FAM20A: variants seen among roughly 807,000 people sequenced by gnomAD.
FAM20A encodes the protein pseudokinase FAM20A.
A neutral mutation model predicts 52.0 loss-of-function variants in FAM20A; 42 were observed. The observed-to-expected ratio is 0.81, with a 90% CI of 0.63 to 1.04. The LOEUF (loss-of-function observed/expected upper bound fraction) is 1.04. Among genes scored for constraint, FAM20A ranks in the 50% least tolerant of loss-of-function variants. FAM20A has a pLI of 0.00. For missense variants in FAM20A, 742 were observed against 712.7 expected (o/e 1.04, Z -0.47); for synonymous variants, 304 against 298.9 (o/e 1.02, Z -0.18).
At chr17:68,548,823 C>G (rs557970280) in intron 4 of FAM20A, among the ~76,000 whole-genome samples, 3 of 149,302 alleles carry the variant, frequency 2.0e-5, no homozygotes, top group Non-Finnish European at 3.0e-5. Context: ...AGCTCCGCCT[C>G]CCGGGTTCAC....
chr17:68,579,136 G>C (rs1200234024), intron 1 of FAM20A, among the ~76,000 whole-genome samples: 1 of 152,138 alleles, frequency 6.6e-6, no homozygotes, highest in Non-Finnish European at 1.5e-5. Context: ...GAGACTCCAA[G>C]GTTAGGAAAG....
chr17:68,542,229 G>C, intron 6 of FAM20A, 64 bp from the exon 7 acceptor site: 1 of 1,568,968 alleles, frequency 6.4e-7, no homozygotes. Context: ...CATCTTCCTG[G>C]CCTAGGAAAT....
intron 10 of FAM20A, among the ~76,000 whole-genome samples, chr17:68,538,816 C>T (rs1471659745): frequency 6.6e-6 from 1 of 152,234 alleles, no homozygotes; most frequent in Non-Finnish European, 1.5e-5. Context: ...AATCCTAATT[C>T]ATCCTATGTG....
In FAM20A at chr17:68,540,530, CTT is replaced by C. The variant is rs541111198; in HGVS notation, c.1219+317_1219+318del. Reference sequence around the variant, plus strand: ...GCCCTCCCTGCTACATATTTGTGTACTTTCTTCCCTTCCTACCTGGTTTCCCC... The same window carrying C: ...GCCCTCCCTGCTACATATTTGTGTACTCTTCCCTTCCTACCTGGTTTCCCC... On this transcript the variant is annotated intron_variant, in intron 8 of 10. Coordinates refer to ENST00000592554, the MANE Select transcript of FAM20A (RefSeq NM_017565.4). 834 of 493,590 alleles carry C rather than the reference CTT, an allele frequency of 1.7e-3. 14 individuals are homozygous for C. Among genetic ancestry groups the C allele is most frequent in the Non-Finnish European group, 5.1e-4 (129 of 251,982 alleles). The allele number at this position is 493,590 out of a possible 1,614,324, so 30.6% of individuals were successfully genotyped here. A position where few individuals can be genotyped will look rare whatever the true frequency, so the allele number is the denominator to read the frequency against.
chr17:68,550,877 G>T (rs2143648906), intron 4 of FAM20A, among the ~76,000 whole-genome samples: 1 of 152,352 alleles, frequency 6.6e-6, no homozygotes, highest in South Asian at 2.1e-4. Flanking sequence ...CGCCAAAGCA[G>T]TTGGGACTGA....
intron 8 of FAM20A, chr17:68,540,538 C>T (rs1370471083): frequency 4.0e-6 from 2 of 501,434 alleles, no homozygotes; most frequent in Non-Finnish European, 7.8e-6. Flanking sequence ...TACTTTCTTC[C>T]CTTCCTACCT....
chr17:68,598,870 C>T (rs1374347666), intron 1 of FAM20A, among the ~76,000 whole-genome samples: 1 of 152,140 alleles, frequency 6.6e-6, no homozygotes, highest in Non-Finnish European at 1.5e-5. Flanking sequence ...GATACTTTTT[C>T]TAAGGGCAAA....
chr17:68,597,258 T>C (rs1423758712), intron 1 of FAM20A, among the ~76,000 whole-genome samples: 1 of 152,224 alleles, frequency 6.6e-6, no homozygotes, highest in South Asian at 2.1e-4. Context: ...AATGGTCTCT[T>C]GTGGGCAAGT....
Position 68,535,338 on chromosome 17 carries a change from G to T in FAM20A, c.*2139C>A. On this transcript the variant is annotated 3_prime_UTR_variant, in exon 11 of 11. Coordinates refer to ENST00000592554, the MANE Select transcript of FAM20A (RefSeq NM_017565.4). ...AATTCAAGCCTATTGCTTTCTGTTT[G>T]TAGAGTGCAGCAAAATGTGTATATA... is the stretch of plus-strand genomic sequence containing the variant. 1 of 454,134 alleles carries T rather than the reference G, an allele frequency of 2.2e-6. No individual in the cohort carries two copies. The highest frequency in any genetic ancestry group is 6.9e-4 in the Middle Eastern group (1 of 1,444). The allele number at this position is 454,134 out of a possible 1,614,324, so 28.1% of individuals were successfully genotyped here. A position where few individuals can be genotyped will look rare whatever the true frequency, so the allele number is the denominator to read the frequency against.
In FAM20A at chr17:68,539,330, A is replaced by G. The variant is rs757155258; in HGVS notation, c.1361+7T>C. 5.0e-6 allele frequency: 8 copies of G among 1,614,094 alleles called. No individual in the cohort carries two copies. In the African/African-American group the frequency reaches 5.3e-5, roughly 11 times the overall value. ...TTGCCCGTATTATCTGCTGCAGGAA[A>G]ACTTACATGCAGCACTGGGAGAGAG... is the stretch of plus-strand genomic sequence containing the variant. On this transcript the variant is annotated splice_region_variant and intron_variant, in intron 10 of 10. Coordinates refer to ENST00000592554, the MANE Select transcript of FAM20A (RefSeq NM_017565.4).
intron 6 of FAM20A, 68 bp from the exon 7 acceptor site, chr17:68,542,233 A>G: frequency 1.9e-6 from 3 of 1,559,446 alleles, no homozygotes; most frequent in South Asian, 1.1e-5. Flanking sequence ...TTCCTGGCCT[A>G]GGAAATCCAC....
At position 68,601,203 on chromosome 17, in the gene FAM20A, C is replaced by A. The variant is rs1349041978; in HGVS notation, c.-537G>T. The A allele has an allele frequency of 6.6e-6, 1 of 152,470 alleles. No homozygotes were observed. The highest frequency in any genetic ancestry group is 1.9e-4 in the East Asian group (1 of 5,154). The allele number at this position is 152,470 out of a possible 1,614,324, so 9.4% of individuals were successfully genotyped here. A position where few individuals can be genotyped will look rare whatever the true frequency, so the allele number is the denominator to read the frequency against. ...CAGTGCCGGCGGCTGGCACGGGCGGCGCGAGTGGGGAGTTGGCGAAGCAGG... is the reference window on the plus strand; with the variant it reads ...CAGTGCCGGCGGCTGGCACGGGCGGAGCGAGTGGGGAGTTGGCGAAGCAGG... On this transcript the variant is annotated 5_prime_UTR_variant, in exon 1 of 11. Coordinates refer to ENST00000592554, the MANE Select transcript of FAM20A (RefSeq NM_017565.4).
intron 1 of FAM20A, among the ~76,000 whole-genome samples, chr17:68,574,347 AG>A (rs2087665397): frequency 6.6e-6 from 1 of 152,172 alleles, no homozygotes; most frequent in African/African-American, 2.4e-5. Context: ...TCACATGGCG[AG>A]GGGGCTGAGT....
At chr17:68,562,921 T>C (rs2087256923) in intron 1 of FAM20A, among the ~76,000 whole-genome samples, 2 of 152,192 alleles carry the variant, frequency 1.3e-5, no homozygotes, top group South Asian at 2.1e-4. Flanking sequence ...TGCCTGGTAT[T>C]GCCACCACTG....
chr17:68,551,166 G>A, intron 4 of FAM20A: 1 of 1,223,678 alleles, frequency 8.2e-7, no homozygotes, highest in Non-Finnish European at 1.0e-6. Context: ...CCTGTGGGCT[G>A]CAGATCCTTT....
At position 68,539,941 on chromosome 17, in the gene FAM20A, C is replaced by T. The variant is rs1250859728; in HGVS notation, c.1245G>A (p.Glu415=). The part of the protein sequence containing the change: ...LIGNMDRHHY[E]MFTKFGDDGF... ...CATCATCCCCGAACTTGGTGAACATCTCATAATGGTGCCGGTCCATATTCC... is the reference window on the plus strand; with the variant it reads ...CATCATCCCCGAACTTGGTGAACATTTCATAATGGTGCCGGTCCATATTCC... Residue 415 remains glutamate (E), a synonymous_variant, in exon 9 of 11, where the codon GAG becomes GAA. Transcript: ENST00000592554. 4 of 1,614,072 alleles carry T rather than the reference C, an allele frequency of 2.5e-6. No individual in the cohort carries two copies. Among genetic ancestry groups the T allele is most frequent in the Non-Finnish European group, 3.4e-6 (4 of 1,180,036 alleles).
chr17:68,559,609 A>G (rs1255950575), intron 1 of FAM20A, among the ~76,000 whole-genome samples: 16 of 152,208 alleles, frequency 1.1e-4, no homozygotes, highest in Admixed American at 9.8e-4. Context: ...TTTCTTTCAG[A>G]AAAAAAGAGC....
intron 1 of FAM20A, among the ~76,000 whole-genome samples, chr17:68,596,102 C>T (rs996674946): frequency 6.6e-6 from 1 of 152,012 alleles, no homozygotes; most frequent in South Asian, 2.1e-4. Flanking sequence ...AGTCTCTTTG[C>T]GGTGATTTTC....
chr17:68,551,172 C>G, intron 4 of FAM20A: 1 of 1,210,632 alleles, frequency 8.3e-7, no homozygotes, highest in Non-Finnish European at 1.0e-6. Flanking sequence ...GGCTGCAGAT[C>G]CTTTGGGGGC....
Sources: gnomAD v4.1 joint callset for allele counts (sites outside exome capture counted in the v4.1 genomes callset) on GRCh38, gnomAD v4.1.1 for gene constraint, MANE v1.5 for transcripts, NCBI Gene and HGNC (gene_info 2026-07-23, HGNC 2026-07-21) for gene names.